The following PPP2R2C variants were observed in gnomAD, a reference collection of about 807,000 sequenced individuals.
PPP2R2C encodes the protein protein phosphatase 2 regulatory subunit Bgamma.
Under a neutral mutation model 45.3 loss-of-function variants are expected in PPP2R2C, and 10 were observed. The ratio of observed to expected loss-of-function variants is 0.22; its 90% CI spans 0.14 to 0.37. The LOEUF (loss-of-function observed/expected upper bound fraction) is 0.37, where lower values mean the gene tolerates loss of function less well. PPP2R2C is among the 10% of genes least tolerant of loss of function. PPP2R2C has a pLI of 1.00. For synonymous variants in PPP2R2C, 257 were observed against 245.4 expected, an observed-to-expected ratio of 1.05 and a Z score of -0.44; for missense variants, 308 against 619.7, an observed-to-expected ratio of 0.50 and a Z score of 5.34.
At position 6,342,310 on chromosome 4, in the gene PPP2R2C, T is replaced by C. The variant is rs371670852; in HGVS notation, c.790+5536A>G. Among the ~76,000 whole-genome samples the C allele has an allele frequency of 1.8e-4, 28 of 152,248 alleles. No individual in the cohort carries two copies. In the East Asian group the frequency reaches 5.2e-3, roughly 28 times the overall value. ...TTTTGAGGGAGTCAAAAGTTAAGCA[T>C]GTACTTTCAACTGCATTCAGGCACT... On this transcript the variant is annotated intron_variant, in intron 6 of 8. Transcript: ENST00000382599.
At chr4:6,412,108 G>A (rs551922268) in intron 1 of PPP2R2C, among the ~76,000 whole-genome samples, 11 of 152,170 alleles carry the variant, frequency 7.2e-5, no homozygotes, top group Admixed American at 1.3e-4. Context: ...AAAGGAGCCT[G>A]GCAAATCCTC....
intron 1 of PPP2R2C, among the ~76,000 whole-genome samples, chr4:6,395,307 A>C (rs1239468616): frequency 1.3e-5 from 2 of 152,128 alleles, no homozygotes; most frequent in African/African-American, 4.8e-5. Flanking sequence ...TTATCTGACA[A>C]GTATTAACTG....
chr4:6,414,074 G>A, intron 1 of PPP2R2C: 3 of 982,682 alleles, frequency 3.1e-6, no homozygotes, highest in Admixed American at 4.5e-5. Context: ...TTTTGCCTGT[G>A]TATGTGTGTG....
intron 1 of PPP2R2C, among the ~76,000 whole-genome samples, chr4:6,412,125 T>C (rs561253392): frequency 2.7e-4 from 41 of 152,326 alleles, no homozygotes; most frequent in African/African-American, 9.9e-4. Flanking sequence ...CCTCACTGAA[T>C]GGTCAGCTTG....
At chr4:6,373,662 G>C (rs1270569080) in intron 4 of PPP2R2C, among the ~76,000 whole-genome samples, 1 of 152,250 alleles carries the variant, frequency 6.6e-6, no homozygotes, top group African/African-American at 2.4e-5. Flanking sequence ...GTGTCCCTGA[G>C]CTCTCAGGGA....
intron 1 of PPP2R2C, among the ~76,000 whole-genome samples, chr4:6,444,972 C>A (rs375378376): frequency 6.6e-6 from 1 of 152,244 alleles, no homozygotes; most frequent in South Asian, 2.1e-4. Context: ...ATCCCTTCAG[C>A]CTAGGGGTTC....
chr4:6,389,609 A>G (rs923590127), intron 1 of PPP2R2C, among the ~76,000 whole-genome samples: 1 of 152,110 alleles, frequency 6.6e-6, no homozygotes, highest in African/African-American at 2.4e-5. Flanking sequence ...GGATAAGGAG[A>G]TGGGGAGCCC....
In PPP2R2C at chr4:6,423,928, A is replaced by AGG. The variant is rs376737673; in HGVS notation, c.71-42835_71-42834insCC. Among the ~76,000 whole-genome samples, 431 of 152,318 alleles carry AGG rather than the reference A, an allele frequency of 2.8e-3. 4 individuals are homozygous for AGG. The highest frequency in any genetic ancestry group is 0.01 in the Middle Eastern group (3 of 294). ...TAGGGTTAGGGTTAGGGTTAGGGTT[A>AGG]GTGTTAGTGTTTCCCTCCTGCACAG... On this transcript the variant is annotated intron_variant, in intron 1 of 8. Coordinates refer to ENST00000382599, the MANE Select transcript of PPP2R2C (RefSeq NM_020416.4).
At chr4:6,422,253 C>T (rs1287074425) in intron 1 of PPP2R2C, among the ~76,000 whole-genome samples, 2 of 152,252 alleles carry the variant, frequency 1.3e-5, no homozygotes, top group South Asian at 2.1e-4. Context: ...TGGGCTTAGC[C>T]GCCACTTGCG....
At chr4:6,353,993 C>T (rs1712894766) in intron 5 of PPP2R2C, among the ~76,000 whole-genome samples, 1 of 126,056 alleles carries the variant, frequency 7.9e-6, no homozygotes, top group South Asian at 3.1e-4. Flanking sequence ...TCCTCATCCC[C>T]AGCCCTGGGG....
intron 1 of PPP2R2C, among the ~76,000 whole-genome samples, chr4:6,395,742 C>G (rs957089548): frequency 1.3e-5 from 2 of 152,198 alleles, no homozygotes; most frequent in African/African-American, 4.8e-5. Context: ...TCCAGAGGCT[C>G]GCTTTCCTCC....
chr4:6,377,873 G>C (rs914170202), intron 3 of PPP2R2C, among the ~76,000 whole-genome samples: 3 of 152,152 alleles, frequency 2.0e-5, no homozygotes, highest in Admixed American at 2.0e-4. Flanking sequence ...AGGGGTACAT[G>C]CTCCTCCCTG....
chr4:6,445,117 A>G (rs1720351860), intron 1 of PPP2R2C, among the ~76,000 whole-genome samples: 1 of 152,090 alleles, frequency 6.6e-6, no homozygotes, highest in Admixed American at 6.5e-5. Context: ...TGAGCCTGGG[A>G]GGCAGAGGTT....
In PPP2R2C at chr4:6,320,671, C is replaced by G. The variant is rs550465497; in HGVS notation, c.*2631G>C. On this transcript the variant is annotated 3_prime_UTR_variant, in exon 9 of 9. Coordinates refer to ENST00000382599, the MANE Select transcript of PPP2R2C (RefSeq NM_020416.4). Reference sequence around the variant, plus strand: ...AACAATTGGGTAATTTGTGAGACACCAAAGAAAAAAAGAATGCACCTATGA... The same window carrying G: ...AACAATTGGGTAATTTGTGAGACACGAAAGAAAAAAAGAATGCACCTATGA... 1.1e-4 allele frequency: 17 copies of G among 152,366 alleles called. 1 individual carries two copies. In the East Asian group the frequency reaches 3.1e-3, roughly 28 times the overall value. The allele number at this position is 152,366 out of a possible 1,614,324, so 9.4% of individuals were successfully genotyped here.
intron 1 of PPP2R2C, among the ~76,000 whole-genome samples, chr4:6,396,210 G>C (rs1195377661): frequency 2.0e-5 from 3 of 152,178 alleles, no homozygotes; most frequent in Non-Finnish European, 4.4e-5. Context: ...TCCAGGGCCT[G>C]TGCTCTTGAT....
rs1305948956 is a variant in PPP2R2C, at chr4:6,323,233, C to T, written c.*69G>A. 8.6e-6 allele frequency: 13 copies of T among 1,507,190 alleles called. No homozygotes were observed. The highest frequency in any genetic ancestry group is 2.7e-5 in the African/African-American group (2 of 72,922). 93.4% of individuals were successfully genotyped at this position (1,507,190 alleles called of 1,614,324 possible). A position where few individuals can be genotyped will look rare whatever the true frequency, so the allele number is the denominator to read the frequency against. On this transcript the variant is annotated 3_prime_UTR_variant, in exon 9 of 9. Coordinates refer to ENST00000382599, the MANE Select transcript of PPP2R2C (RefSeq NM_020416.4). ...TGACTTTCTTCCCCTCCTTGCATTG[C>T]GGTCGTGAAGGTCATGTCGGGGATG...
chr4:6,447,142 GCTCTCA>G (rs1236358029), intron 1 of PPP2R2C, among the ~76,000 whole-genome samples: 1 of 152,082 alleles, frequency 6.6e-6, no homozygotes, highest in Non-Finnish European at 1.5e-5. Context: ...AGCTGGCCTG[GCTCTCA>G]CTCTCACCAA....
intron 2 of PPP2R2C, among the ~76,000 whole-genome samples, chr4:6,518,943 A>T (rs1278847052): frequency 8.9e-6 from 1 of 112,032 alleles, no homozygotes; most frequent in African/African-American, 3.0e-5. Flanking sequence ...AAAAAAAAAA[A>T]AAAAAAAAAA....
intron 5 of PPP2R2C, chr4:6,351,370 G>A: frequency 3.1e-6 from 3 of 983,558 alleles, no homozygotes; most frequent in Non-Finnish European, 3.6e-6. Context: ...GCTCCATTAG[G>A]TCTGTAGCCC....
Sources: allele counts gnomAD v4.1 joint callset (sites outside exome capture counted in the v4.1 genomes callset), GRCh38; gene constraint gnomAD v4.1.1; transcripts MANE v1.5; gene names NCBI Gene and HGNC (gene_info 2026-07-23, HGNC 2026-07-21).